AGBL1: variants seen among roughly 807,000 people sequenced by gnomAD.
AGBL1 encodes cytosolic carboxypeptidase 4.
A neutral mutation model predicts 118.9 loss-of-function variants in AGBL1; 130 were observed. The observed-to-expected ratio is 1.09, with a 90% CI of 0.95 to 1.26. The LOEUF is 1.26. Among genes scored for constraint, AGBL1 ranks in the 50% most tolerant of loss-of-function variants. The pLI is 0.00. For synonymous variants in AGBL1, 555 were observed against 478.9 expected, an observed-to-expected ratio of 1.16 and a Z score of -2.08; for missense variants, 1,584 against 1,298.1, an observed-to-expected ratio of 1.22 and a Z score of -3.38.
chr15:86,139,129 A>C (rs1175495706), intron 1 of AGBL1, among the ~76,000 whole-genome samples: 1 of 152,190 alleles, frequency 6.6e-6, no homozygotes, highest in Middle Eastern at 3.2e-3. Context: ...CATTTAGTGC[A>C]GCTGTGATGA....
At chr15:86,752,691 G>A (rs1181973916) in intron 22 of AGBL1, among the ~76,000 whole-genome samples, 4 of 152,066 alleles carry the variant, frequency 2.6e-5, no homozygotes, top group Non-Finnish European at 4.4e-5. Flanking sequence ...CATTAAGGAT[G>A]ACAGCCTTCT....
intron 18 of AGBL1, among the ~76,000 whole-genome samples, chr15:86,443,412 A>G (rs2082087356): frequency 6.6e-6 from 1 of 152,218 alleles, no homozygotes; most frequent in Non-Finnish European, 1.5e-5. Flanking sequence ...AAATCAGGGT[A>G]TTAGCATATC....
At chr15:86,897,863 G>A (rs1291071497) in intron 22 of AGBL1, among the ~76,000 whole-genome samples, 1 of 142,276 alleles carries the variant, frequency 7.0e-6, no homozygotes, top group African/African-American at 2.6e-5. Context: ...TCGACCTCCT[G>A]GGCTCAGGTG....
chr15:86,549,182 C>T (rs776737396), intron 20 of AGBL1, among the ~76,000 whole-genome samples: 2 of 151,928 alleles, frequency 1.3e-5, no homozygotes, highest in South Asian at 2.1e-4. Context: ...TAAACTATAT[C>T]GTATGGATTA....
intron 24 of AGBL1, among the ~76,000 whole-genome samples, chr15:87,027,779 G>A (rs2081747727): frequency 6.6e-6 from 1 of 151,908 alleles, no homozygotes; most frequent in Non-Finnish European, 1.5e-5. Flanking sequence ...AACTAATGCG[G>A]GAACAGAAAG....
At position 86,103,092 on chromosome 15, in the gene AGBL1, T is replaced by C. The variant is rs1350287454; in HGVS notation, c.51+23069T>C. ...TTTCTTCTGTTCTAGCTGTCTATTG[T>C]TGAAGTATTTTTTATTCATTTAATA... On this transcript the variant is annotated intron_variant, in intron 1 of 22. Coordinates refer to ENST00000614907, the MANE Select transcript of AGBL1 (RefSeq NM_001386094.1). Among the ~76,000 whole-genome samples, 8 of 152,302 alleles carry C rather than the reference T, an allele frequency of 5.3e-5. No individual in the cohort carries two copies. In the East Asian group the frequency reaches 1.4e-3, roughly 26 times the overall value.
intron 22 of AGBL1, among the ~76,000 whole-genome samples, chr15:86,865,709 C>T (rs758749401): frequency 6.6e-6 from 1 of 152,174 alleles, no homozygotes; most frequent in African/African-American, 2.4e-5. Flanking sequence ...TGTTATAACT[C>T]AGCAGAGTGC....
chr15:86,249,844 A>G (rs1322302275), intron 7 of AGBL1, among the ~76,000 whole-genome samples: 1 of 152,272 alleles, frequency 6.6e-6, no homozygotes, highest in Non-Finnish European at 1.5e-5. Context: ...AAGGTGGTGG[A>G]GAAAACACCA....
intron 17 of AGBL1, among the ~76,000 whole-genome samples, chr15:86,307,293 T>A (rs1226551600): frequency 6.6e-6 from 1 of 152,228 alleles, no homozygotes; most frequent in African/African-American, 2.4e-5. Context: ...AAATGATTTA[T>A]GAGGAACTCT....
At chr15:86,825,387 T>TAAAAAAAAAAAAAA in intron 22 of AGBL1, among the ~76,000 whole-genome samples, 6 of 11,148 alleles carry the variant, frequency 5.4e-4, no homozygotes, top group African/African-American at 1.0e-3. Flanking sequence ...GTAGAAACTG[T>TAAAAAAAAAAAAAA]AAAAAAAAAA....
chr15:86,277,318 ATGTG>A (rs5814232), intron 15 of AGBL1, among the ~76,000 whole-genome samples: 4,423 of 147,766 alleles, frequency 0.03, 225 homozygotes, highest in African/African-American at 0.1. Flanking sequence ...GTGTGTGTGT[ATGTG>A]TGTGTGTGTG....
rs898457841 is a variant in AGBL1, at chr15:86,677,631, G to C, written c.3158+3195G>C. 5.3e-5 allele frequency among the ~76,000 whole-genome samples: 8 copies of C among 152,244 alleles called. No individual in the cohort carries two copies. The East Asian group carries it at 1.5e-3, about 29-fold the overall frequency. ...CCATTTGTCCCTCACTTAATAACAA[G>C]AGAAAGCTAAAGCTCAGAGCTTCAG... is the stretch of plus-strand genomic sequence containing the variant. On this transcript the variant is annotated intron_variant, in intron 22 of 22. Transcript: ENST00000614907.
At chr15:86,879,592 A>C (rs753005937) in intron 22 of AGBL1, among the ~76,000 whole-genome samples, 1 of 152,204 alleles carries the variant, frequency 6.6e-6, no homozygotes, top group Non-Finnish European at 1.5e-5. Flanking sequence ...CAAATGTTAC[A>C]GATTGTAATT....
At chr15:86,830,918 G>A (rs2079096126) in intron 22 of AGBL1, among the ~76,000 whole-genome samples, 1 of 152,148 alleles carries the variant, frequency 6.6e-6, no homozygotes, top group South Asian at 2.1e-4. Flanking sequence ...TGCTGATAAA[G>A]ACATACCCAA....
chr15:86,813,288 T>A (rs1260886620), intron 22 of AGBL1, among the ~76,000 whole-genome samples: 1 of 152,046 alleles, frequency 6.6e-6, no homozygotes, highest in Non-Finnish European at 1.5e-5. Flanking sequence ...AGCTCCGCTG[T>A]GCTATTCCCA....
chr15:86,427,090 T>A (rs1034877349), intron 18 of AGBL1, among the ~76,000 whole-genome samples: 2 of 152,134 alleles, frequency 1.3e-5, no homozygotes, highest in African/African-American at 4.8e-5. Flanking sequence ...TTGAGTCAAA[T>A]GGAGATCACC....
At chr15:86,783,002 A>G (rs1428078427) in intron 22 of AGBL1, among the ~76,000 whole-genome samples, 5 of 152,156 alleles carry the variant, frequency 3.3e-5, no homozygotes, top group African/African-American at 7.2e-5. Context: ...GTGATGTTTC[A>G]TCTCTCCAGT....
intron 22 of AGBL1, among the ~76,000 whole-genome samples, chr15:86,817,024 T>A (rs544496845): frequency 2.5e-4 from 38 of 152,072 alleles, no homozygotes; most frequent in Admixed American, 5.9e-4. Context: ...CTCTTAAGCC[T>A]AAAACAAGGC....
chr15:86,194,736 A>G (rs987096244), intron 5 of AGBL1, among the ~76,000 whole-genome samples: 16 of 152,238 alleles, frequency 1.1e-4, no homozygotes. Flanking sequence ...TCAGGCACAG[A>G]ACAGGTAACC....
Sources: allele counts gnomAD v4.1 joint callset (sites outside exome capture counted in the v4.1 genomes callset), GRCh38; gene constraint gnomAD v4.1.1; transcripts MANE v1.5; gene names NCBI Gene and HGNC (gene_info 2026-07-23, HGNC 2026-07-21).